ANKRD6: variants seen among roughly 807,000 people sequenced by gnomAD.
ANKRD6 encodes the protein ankyrin repeat domain 6.
In ANKRD6, 56 loss-of-function variants were observed where a neutral mutation model predicts 82.3. The observed-to-expected ratio is 0.68, with a 90% CI of 0.55 to 0.85. ANKRD6 has a LOEUF of 0.85. Among genes scored for constraint, ANKRD6 ranks in the 40% least tolerant of loss-of-function variants. The probability of loss-of-function intolerance (pLI) is 0.00; values close to 1 mark genes in which losing one functional copy is unlikely to be tolerated. For missense variants in ANKRD6, 852 were observed against 907.6 expected (o/e 0.94, Z 0.79); for synonymous variants, 347 against 352.1 (o/e 0.99, Z 0.16).
At chr6:89,510,392 T>A (rs1780391263) in intron 1 of ANKRD6, among the ~76,000 whole-genome samples, 1 of 152,156 alleles carries the variant, frequency 6.6e-6, no homozygotes. Context: ...GTTTTTTTTT[T>A]TTTTAGCCTC....
intron 1 of ANKRD6, among the ~76,000 whole-genome samples, chr6:89,487,956 T>C (rs138589376): frequency 6.6e-6 from 1 of 152,344 alleles, no homozygotes; most frequent in African/African-American, 2.4e-5. Context: ...TGTATTTACT[T>C]TTACTTTTCC....
Position 89,622,167 on chromosome 6 carries a change from G to T in ANKRD6, c.897+141G>T, listed in dbSNP as rs1446186952. The T allele has an allele frequency of 1.7e-5, 12 of 721,602 alleles. No individual in the cohort carries two copies. In the East Asian group the frequency reaches 3.2e-4, roughly 20 times the overall value. 44.7% of individuals were successfully genotyped at this position (721,602 alleles called of 1,614,324 possible). A position where few individuals can be genotyped will look rare whatever the true frequency, so the allele number is the denominator to read the frequency against. ...CCTTGCTGGAGCTCTTCAAACTGTT[G>T]CCAGTCTTTTTCTCTTTGGTTTCAC... On this transcript the variant is annotated intron_variant, in intron 10 of 15. Coordinates refer to ENST00000339746, the MANE Select transcript of ANKRD6 (RefSeq NM_001242809.2).
At chr6:89,604,958 G>A (rs530270639) in intron 4 of ANKRD6, among the ~76,000 whole-genome samples, 2 of 152,148 alleles carry the variant, frequency 1.3e-5, no homozygotes, top group Non-Finnish European at 2.9e-5. Context: ...TTCCTTCTCC[G>A]GGCTCTTCCC....
chr6:89,535,527 T>G (rs1193652797), intron 1 of ANKRD6, among the ~76,000 whole-genome samples: 3 of 152,164 alleles, frequency 2.0e-5, no homozygotes, highest in African/African-American at 7.2e-5. Flanking sequence ...CATATGGTTG[T>G]TTGGCTGAAT....
At chr6:89,587,511 C>A (rs1583505511) in intron 2 of ANKRD6, among the ~76,000 whole-genome samples, 1 of 152,080 alleles carries the variant, frequency 6.6e-6, no homozygotes, top group South Asian at 2.1e-4. Flanking sequence ...AAAAGGAATT[C>A]TCTTATCAAT....
intron 3 of ANKRD6, chr6:89,598,093 A>C (rs1202526842): frequency 1.0e-6 from 1 of 984,972 alleles, no homozygotes; most frequent in Non-Finnish European, 1.2e-6. Flanking sequence ...TATTCTACAG[A>C]TACTGATCTT....
At chr6:89,510,048 G>A (rs749330774) in intron 1 of ANKRD6, among the ~76,000 whole-genome samples, 10 of 152,182 alleles carry the variant, frequency 6.6e-5, no homozygotes, top group Admixed American at 5.2e-4. Context: ...GTTGAGAGAA[G>A]CATGCTATAT....
At chr6:89,457,671 A>G (rs1773656075) in intron 1 of ANKRD6, among the ~76,000 whole-genome samples, 2 of 152,238 alleles carry the variant, frequency 1.3e-5, no homozygotes, top group Non-Finnish European at 2.9e-5. Context: ...GAACTCTAAA[A>G]TATGGCAGTA....
intron 8 of ANKRD6, among the ~76,000 whole-genome samples, chr6:89,617,216 G>A (rs1258038094): frequency 6.6e-6 from 1 of 152,188 alleles, no homozygotes; most frequent in Non-Finnish European, 1.5e-5. Context: ...GGGTGCAACA[G>A]CTGCTGTGTG....
intron 1 of ANKRD6, among the ~76,000 whole-genome samples, chr6:89,475,529 TAA>T (rs1042029860): frequency 2.9e-4 from 44 of 152,186 alleles, no homozygotes; most frequent in African/African-American, 1.0e-3. Flanking sequence ...TTGCCAAAAA[TAA>T]AGACATCAAA....
intron 1 of ANKRD6, among the ~76,000 whole-genome samples, chr6:89,476,255 G>T (rs1473229959): frequency 1.3e-5 from 2 of 151,928 alleles, no homozygotes; most frequent in Non-Finnish European, 2.9e-5. Context: ...GCTTGATCCT[G>T]GCTCACTGCA....
intron 3 of ANKRD6, among the ~76,000 whole-genome samples, chr6:89,600,626 T>C (rs9362666): frequency 0.66 from 99,758 of 152,078 alleles, 34,743 homozygotes; most frequent in Non-Finnish European, 0.78. Flanking sequence ...AGAAGGGCAC[T>C]GTCTTTCTTA....
chr6:89,580,090 G>A (rs1042287310), intron 2 of ANKRD6, among the ~76,000 whole-genome samples: 2 of 152,066 alleles, frequency 1.3e-5, no homozygotes, highest in African/African-American at 4.8e-5. Context: ...TGGGGGTGAT[G>A]AAAATCTTCC....
At chr6:89,452,369 AAAC>A (rs1772941945) in intron 1 of ANKRD6, among the ~76,000 whole-genome samples, 1 of 152,218 alleles carries the variant, frequency 6.6e-6, no homozygotes, top group Non-Finnish European at 1.5e-5. Flanking sequence ...TTGTATGAAA[AAAC>A]AACATCAGAA....
intron 1 of ANKRD6, among the ~76,000 whole-genome samples, chr6:89,473,963 AGAGT>A (rs1240042943): frequency 6.6e-6 from 1 of 152,252 alleles, no homozygotes; most frequent in Non-Finnish European, 1.5e-5. Flanking sequence ...CCTGGACAAC[AGAGT>A]GAGACCCTGT....
intron 9 of ANKRD6, among the ~76,000 whole-genome samples, chr6:89,620,921 T>C (rs1803007992): frequency 6.6e-6 from 1 of 151,662 alleles, no homozygotes; most frequent in African/African-American, 2.4e-5. Flanking sequence ...AAAACAAAAT[T>C]AGCCAGGCAT....
At chr6:89,607,544 A>G (rs6454766) in intron 5 of ANKRD6, among the ~76,000 whole-genome samples, 2,315 of 152,230 alleles carry the variant, frequency 0.015, 72 homozygotes, top group African/African-American at 0.053. Context: ...TCATCAGAAT[A>G]TTAACAGTGG....
At chr6:89,602,951 T>C in intron 3 of ANKRD6, 78 bp from the exon 4 acceptor site, 1 of 1,231,710 alleles carries the variant, frequency 8.1e-7, no homozygotes, top group Non-Finnish European at 1.2e-6. Flanking sequence ...GGTCCTTGTG[T>C]CCAAGTGTCA....
At position 89,630,554 on chromosome 6, in the gene ANKRD6, G is replaced by A; in HGVS notation, c.1734G>A (p.Leu578=). ...CTACCCAGAGACTCCAGCAGGAGCT[G>A]TCGTCTTCTGACTGTACAGGCTCCC... ...STATQRLQQE[L]SSSDCTGSRL... Residue 578 remains leucine (L), a synonymous_variant, in exon 16 of 16, where the codon CTG becomes CTA. Transcript: ENST00000339746. 6.2e-7 allele frequency: 1 copy of A among 1,613,938 alleles called. No homozygotes were observed.
Sources: gnomAD v4.1 joint callset for allele counts (sites outside exome capture counted in the v4.1 genomes callset) on GRCh38, gnomAD v4.1.1 for gene constraint, MANE v1.5 for transcripts, NCBI Gene and HGNC (gene_info 2026-07-23, HGNC 2026-07-21) for gene names.